Variants in DNMT1 observed in about 807,000 individuals in gnomAD.
DNMT1 encodes the protein DNA methyltransferase 1.
Under a neutral mutation model 205.3 loss-of-function variants are expected in DNMT1, and 24 were observed. That is an observed-to-expected ratio of 0.12 (90% CI 0.08 to 0.16). DNMT1 has a LOEUF of 0.16. Among genes scored for constraint, DNMT1 ranks in the 10% least tolerant of loss-of-function variants. The pLI, the probability that DNMT1 is intolerant of heterozygous loss-of-function variation, is 1.00. For synonymous variants in DNMT1, 817 were observed against 839.8 expected (o/e 0.97, Z 0.47); for missense variants, 1,293 against 2,177.7 (o/e 0.59, Z 8.09).
Position 10,156,057 on chromosome 19 carries a change from A to G in DNMT1, c.1400-112T>C, listed in dbSNP as rs1380443173. 1.8e-6 allele frequency: 2 copies of G among 1,100,718 alleles called. No individual in the cohort carries two copies. The highest frequency in any genetic ancestry group is 4.0e-5 in the Admixed American group (2 of 49,502). 68.2% of individuals were successfully genotyped at this position (1,100,718 alleles called of 1,614,324 possible). A position where few individuals can be genotyped will look rare whatever the true frequency, so the allele number is the denominator to read the frequency against. ...CCATCAGCCAGGTCGGGTGCTCCTC[A>G]GTCATCACAATGACTTGGCCTACAG... On this transcript the variant is annotated intron_variant, in intron 18 of 40. Transcript: ENST00000359526. The surrounding 1 kb of genome is among the most constrained non-coding windows in gnomAD (Gnocchi z 4.2).
intron 1 of DNMT1, among the ~76,000 whole-genome samples, chr19:10,186,339 C>A (rs886759046): frequency 2.0e-5 from 3 of 152,024 alleles, no homozygotes; most frequent in Non-Finnish European, 4.4e-5. Context: ...GAGGAGCTGG[C>A]GGGAGGGTAA....
intron 1 of DNMT1, among the ~76,000 whole-genome samples, chr19:10,186,785 C>T (rs1376895999): frequency 7.0e-6 from 1 of 143,796 alleles, no homozygotes; most frequent in African/African-American, 2.6e-5. Context: ...CTGCGGTGAG[C>T]CAAGGTCACG....
chr19:10,135,922 G>T (rs1451394660), intron 38 of DNMT1, 70 bp from the exon 39 acceptor site: 22 of 1,512,902 alleles, frequency 1.5e-5, no homozygotes, highest in Non-Finnish European at 2.0e-5. Flanking sequence ...GACAGGGAGG[G>T]AAATGGCACT....
chr19:10,137,838 G>A lies in DNMT1; in HGVS notation c.4287C>T (p.Ile1429=). The A allele has an allele frequency of 1.2e-6, 2 of 1,613,242 alleles. No homozygotes were observed. The highest frequency in any genetic ancestry group is 1.7e-5 in the Admixed American group (1 of 59,946). ...AQYQPILRDH[I]CKDMSALVAA... ...TCTGTCAGGGTGCCATTACCTTACA[G>A]ATGTGGTCCCTGAGGATGGGCTGGT... The change falls in exon 36 of 41, where the codon ATC becomes ATT. Residue 1429 remains isoleucine (I), a synonymous_variant. Transcript: ENST00000359526. This position sits in a 1 kb window ranked among gnomAD's most constrained non-coding sequence, Gnocchi z 6.4.
In DNMT1 at chr19:10,189,598, T is replaced by G. The variant is rs558118700; in HGVS notation, c.80+5222A>C. Among the ~76,000 whole-genome samples the G allele has an allele frequency of 7.9e-5, 12 of 151,568 alleles. No individual in the cohort carries two copies. In the East Asian group the frequency reaches 2.3e-3, roughly 29 times the overall value. Reference sequence around the variant, plus strand: ...CCACTTTTGGCTTTATTTTTTTTTTTGAGATGGGGGGGGTCTTCCTATGTT... The same window carrying G: ...CCACTTTTGGCTTTATTTTTTTTTTGGAGATGGGGGGGGTCTTCCTATGTT... On this transcript the variant is annotated intron_variant, in intron 1 of 40. Coordinates refer to ENST00000359526, the MANE Select transcript of DNMT1 (RefSeq NM_001130823.3).
intron 9 of DNMT1, among the ~76,000 whole-genome samples, chr19:10,171,239 AGAG>A (rs1355727435): frequency 6.6e-6 from 1 of 152,194 alleles, no homozygotes; most frequent in Non-Finnish European, 1.5e-5. Flanking sequence ...CTGACTTCAG[AGAG>A]GAGAATACAA....
At chr19:10,157,245 T>C (rs1217055384) in intron 17 of DNMT1, among the ~76,000 whole-genome samples, 1 of 152,214 alleles carries the variant, frequency 6.6e-6, no homozygotes, top group African/African-American at 2.4e-5. Flanking sequence ...ATCTGCTTTC[T>C]ATACCTATGA....
chr19:10,154,231 C>T lies in DNMT1; in HGVS notation c.2019+62G>A. On this transcript the variant is annotated intron_variant, in intron 22 of 40. Transcript: ENST00000359526. This position sits in a 1 kb window ranked among gnomAD's most constrained non-coding sequence, Gnocchi z 6.3. ...CCACAGAGAGAAAGATGGAGCAGTC[C>T]TCAGATCAGGCCAGAGGCTGGGCCA... The T allele has an allele frequency of 6.5e-6, 10 of 1,539,866 alleles. No homozygotes were observed. In the South Asian group the frequency reaches 1.0e-4, roughly 16 times the overall value.
chr19:10,173,797 C>G, intron 8 of DNMT1, 74 bp downstream of exon 8: 1 of 1,572,590 alleles, frequency 6.4e-7, no homozygotes, highest in Non-Finnish European at 8.7e-7. Context: ...CGGCCTTAAA[C>G]TTTCTGAAAA....
intron 30 of DNMT1, chr19:10,141,744 A>G: frequency 2.2e-6 from 1 of 453,268 alleles, no homozygotes; most frequent in Non-Finnish European, 4.0e-6. Context: ...CTCAACGTTC[A>G]GTTGCACCAA....
chr19:10,154,877 C>G lies in DNMT1; in HGVS notation c.1644+28G>C, dbSNP rs201136448. ...GAAGGCAAGTTTCCAGTGGGAATCC[C>G]GGATGCTGAGGACCCTCGATCTCTT... On this transcript the variant is annotated intron_variant, in intron 20 of 40. Transcript: ENST00000359526. This position sits in a 1 kb window ranked among gnomAD's most constrained non-coding sequence, Gnocchi z 6.3. 2 of 1,614,176 alleles carry G rather than the reference C, an allele frequency of 1.2e-6. No individual in the cohort carries two copies. The highest frequency in any genetic ancestry group is 2.2e-5 in the South Asian group (2 of 91,082).
Position 10,154,203 on chromosome 19 carries a change from A to C in DNMT1, c.2019+90T>G. ...GTCACATTTGAGCAGCCAGAGTCTC[A>C]AGCCACAGAGAGAAAGATGGAGCAG... On this transcript the variant is annotated intron_variant, in intron 22 of 40. Coordinates refer to ENST00000359526, the MANE Select transcript of DNMT1 (RefSeq NM_001130823.3). This position sits in a 1 kb window ranked among gnomAD's most constrained non-coding sequence, Gnocchi z 6.3. The C allele has an allele frequency of 7.2e-7, 1 of 1,381,564 alleles. No homozygotes were observed. Among genetic ancestry groups the C allele is most frequent in the Non-Finnish European group, 1.0e-6 (1 of 975,032 alleles). 85.6% of individuals were successfully genotyped at this position (1,381,564 alleles called of 1,614,324 possible).
chr19:10,193,892 G>A (rs2039349108), intron 1 of DNMT1, among the ~76,000 whole-genome samples: 1 of 152,164 alleles, frequency 6.6e-6, no homozygotes, highest in African/African-American at 2.4e-5. Context: ...TTTCAGGAAT[G>A]AACTGATGGC....
chr19:10,134,068 C>T (rs1299135154), intron 40 of DNMT1, 149 bp downstream of exon 40: 9 of 780,396 alleles, frequency 1.2e-5, no homozygotes, highest in South Asian at 9.2e-5. Context: ...TCAATCCTCA[C>T]AGCAGCCCCT....
chr19:10,194,417 A>C, intron 1 of DNMT1: 1 of 159,714 alleles, frequency 6.3e-6, no homozygotes, highest in Non-Finnish European at 1.4e-5. Context: ...TGGAGGCCGA[A>C]GTGCCGGTGC....
At chr19:10,177,213 G>A (rs2038953820) in intron 6 of DNMT1, 79 bp downstream of exon 6, 3 of 1,287,838 alleles carry the variant, frequency 2.3e-6, no homozygotes, top group South Asian at 1.2e-5. Flanking sequence ...AGACAGAATT[G>A]CCACGTGACG....
intron 8 of DNMT1, among the ~76,000 whole-genome samples, chr19:10,173,438 A>G (rs979155321): frequency 2.0e-5 from 3 of 152,038 alleles, no homozygotes; most frequent in African/African-American, 7.2e-5. Context: ...AAATTCAGAT[A>G]CTTCATAACG....
chr19:10,150,070 T>C, intron 24 of DNMT1, 102 bp from the exon 25 acceptor site: 1 of 1,002,498 alleles, frequency 1.0e-6, no homozygotes, highest in Non-Finnish European at 1.6e-6. Context: ...TGACTCGATT[T>C]CATTAAGAAG....
chr19:10,166,951 C>T (rs2038708394), intron 10 of DNMT1, among the ~76,000 whole-genome samples: 2 of 152,190 alleles, frequency 1.3e-5, no homozygotes, highest in Non-Finnish European at 1.5e-5. Flanking sequence ...TCATGATTTC[C>T]GTGGCCTGAT....
Sources: gnomAD v4.1 joint callset for allele counts (sites outside exome capture counted in the v4.1 genomes callset) on GRCh38, gnomAD v4.1.1 for gene constraint, Gnocchi (gnomAD v3.1) non-coding constraint, MANE v1.5 for transcripts, NCBI Gene and HGNC (gene_info 2026-07-23, HGNC 2026-07-21) for gene names.